ECPAS: variants seen among roughly 807,000 people sequenced by gnomAD.
The protein encoded by ECPAS is Ecm29 proteasome adaptor and scaffold, also known as proteasome adapter and scaffold protein ECM29.
Under a neutral mutation model 255.1 loss-of-function variants are expected in ECPAS, and 70 were observed. That is an observed-to-expected ratio of 0.27 (90% CI 0.23 to 0.33). The LOEUF (loss-of-function observed/expected upper bound fraction) is 0.33, where lower values mean the gene tolerates loss of function less well. Ranked by LOEUF, ECPAS falls within the 10% of genes least tolerant of loss-of-function variation. The probability of loss-of-function intolerance (pLI) is 1.00; values close to 1 mark genes in which losing one functional copy is unlikely to be tolerated. For synonymous variants in ECPAS, 784 were observed against 775.0 expected, an observed-to-expected ratio of 1.01 and a Z score of -0.19; for missense variants, 1,817 against 2,206.4, an observed-to-expected ratio of 0.82 and a Z score of 3.54.
At chr9:111,362,318 T>C in intron 49 of ECPAS, 149 bp from the exon 50 acceptor site, 1 of 633,970 alleles carries the variant, frequency 1.6e-6, no homozygotes, top group Non-Finnish European at 2.7e-6. Flanking sequence ...TGATAACAGA[T>C]CAGTATATAA....
chr9:111,411,417 G>A (rs536426148), intron 21 of ECPAS, among the ~76,000 whole-genome samples: 1 of 152,276 alleles, frequency 6.6e-6, no homozygotes, highest in African/African-American at 2.4e-5. Context: ...CGGGTGAGAT[G>A]ACTTTCCTAC....
chr9:111,371,017 A>C (rs2098126640), intron 43 of ECPAS, among the ~76,000 whole-genome samples: 1 of 152,178 alleles, frequency 6.6e-6, no homozygotes, highest in Admixed American at 6.5e-5. Flanking sequence ...GTCTCACAGA[A>C]AACAGTGTCA....
intron 29 of ECPAS, 115 bp from the exon 30 acceptor site, chr9:111,390,216 A>C (rs1375772964): frequency 3.4e-6 from 2 of 582,382 alleles, no homozygotes; most frequent in Non-Finnish European, 6.1e-6. Flanking sequence ...CTCAATTTCT[A>C]ATACTGAGTT....
intron 48 of ECPAS, among the ~76,000 whole-genome samples, chr9:111,363,913 A>G (rs2098117132): frequency 6.6e-6 from 1 of 152,194 alleles, no homozygotes; most frequent in East Asian, 1.9e-4. Context: ...ACAAATGGCA[A>G]TATTTAAATG....
intron 24 of ECPAS, among the ~76,000 whole-genome samples, chr9:111,402,409 G>A (rs763866511): frequency 6.6e-6 from 1 of 152,132 alleles, no homozygotes; most frequent in Admixed American, 6.5e-5. Flanking sequence ...TAAATACACA[G>A]ACAAATTCAA....
chr9:111,482,241 C>T (rs1451724088), intron 1 of ECPAS, among the ~76,000 whole-genome samples: 1 of 152,180 alleles, frequency 6.6e-6, no homozygotes, highest in Non-Finnish European at 1.5e-5. Context: ...ACCTTGTCTC[C>T]TCCGACTCTC....
intron 42 of ECPAS, 45 bp from the exon 43 acceptor site, chr9:111,371,874 T>A: frequency 6.6e-7 from 1 of 1,505,220 alleles, no homozygotes. Context: ...CAAGAAAAAT[T>A]AACTGATTTT....
At chr9:111,469,966 A>G (rs1028486604) in intron 2 of ECPAS, among the ~76,000 whole-genome samples, 1 of 152,214 alleles carries the variant, frequency 6.6e-6, no homozygotes, top group African/African-American at 2.4e-5. Flanking sequence ...AGCAGAAAAC[A>G]TAAATATAAG....
chr9:111,371,092 A>G (rs2098126736), intron 43 of ECPAS, among the ~76,000 whole-genome samples: 1 of 152,182 alleles, frequency 6.6e-6, no homozygotes, highest in East Asian at 1.9e-4. Context: ...ATGGGCCACT[A>G]TTGACCTTTA....
rs375238485 is a variant in ECPAS at position 111,376,528 on chromosome 9, C to A, written c.3968G>T (p.Ser1323Ile). The A allele has an allele frequency of 2.5e-6, 4 of 1,598,602 alleles. No individual in the cohort carries two copies. The African/African-American group carries it at 4.0e-5, about 16-fold the overall frequency. ...ATEQEKAAMD[S>I]ARLSAAKSSP... Reference sequence around the variant, plus strand: ...AGATTTGGCAGCACTAAGCCGAGCACTATCCATCGCAGCCTAAAGAAGAGA... The same window carrying A: ...AGATTTGGCAGCACTAAGCCGAGCAATATCCATCGCAGCCTAAAGAAGAGA... The change falls in exon 37 of 50, where the codon AGT becomes ATT. Residue 1323 changes from serine to isoleucine, a missense_variant. Ser to Ile is a moderately radical substitution (Grantham distance 142). Transcript: ENST00000684092.
intron 1 of ECPAS, among the ~76,000 whole-genome samples, chr9:111,479,621 A>G (rs1220459514): frequency 6.6e-6 from 1 of 152,074 alleles, no homozygotes; most frequent in East Asian, 1.9e-4. Flanking sequence ...AAAATTGTTA[A>G]GGTGGTAAAT....
rs1184311037 is a variant in ECPAS, at chr9:111,361,641, T to A, written c.*389A>T. On this transcript the variant is annotated 3_prime_UTR_variant, in exon 50 of 50. Transcript: ENST00000684092. ...TATTTCTTCAGGTGTAAGAGGGAGG[T>A]TAAAATAAGTTATTTATAGGGCCCC... The A allele has an allele frequency of 6.5e-6, 1 of 154,596 alleles. No individual in the cohort carries two copies. Among genetic ancestry groups the A allele is most frequent in the Non-Finnish European group, 1.4e-5 (1 of 69,748 alleles). 9.6% of individuals were successfully genotyped at this position (154,596 alleles called of 1,614,324 possible).
intron 2 of ECPAS, among the ~76,000 whole-genome samples, chr9:111,461,075 T>C (rs956171441): frequency 2.0e-5 from 3 of 152,142 alleles, no homozygotes; most frequent in African/African-American, 7.2e-5. Context: ...GTTGATTCTT[T>C]CTATAATTTA....
intron 24 of ECPAS, among the ~76,000 whole-genome samples, chr9:111,406,097 T>C (rs541207825): frequency 1.4e-4 from 21 of 149,776 alleles, no homozygotes; most frequent in Admixed American, 4.6e-4. Flanking sequence ...CTATTAACAA[T>C]AGCCAAAACA....
intron 42 of ECPAS, 141 bp from the exon 43 acceptor site, chr9:111,371,970 G>T: frequency 1.5e-6 from 1 of 671,916 alleles, no homozygotes; most frequent in Non-Finnish European, 2.5e-6. Flanking sequence ...CAAAGGGAGA[G>T]AAAGTGTGTT....
At position 111,484,264 on chromosome 9, in the gene ECPAS, A is replaced by G; in HGVS notation, c.-231T>C. Reference sequence around the variant, plus strand: ...GGGCCGAGCGGGCCCGGGCTGCCCTAGCGGCCGGGGGAAATCCTCGAGGCG... The same window carrying G: ...GGGCCGAGCGGGCCCGGGCTGCCCTGGCGGCCGGGGGAAATCCTCGAGGCG... On this transcript the variant is annotated 5_prime_UTR_variant, in exon 1 of 50. Coordinates refer to ENST00000684092, the MANE Select transcript of ECPAS (RefSeq NM_001364929.1). The G allele has an allele frequency of 6.6e-7, 1 of 1,504,610 alleles. No individual in the cohort carries two copies. The highest frequency in any genetic ancestry group is 8.8e-7 in the Non-Finnish European group (1 of 1,130,908). 93.2% of individuals were successfully genotyped at this position (1,504,610 alleles called of 1,614,324 possible). A position where few individuals can be genotyped will look rare whatever the true frequency, so the allele number is the denominator to read the frequency against.
At chr9:111,416,198 G>C in intron 18 of ECPAS, 74 bp downstream of exon 18, 1 of 1,048,168 alleles carries the variant, frequency 9.5e-7, no homozygotes, top group South Asian at 1.3e-5. Flanking sequence ...CAAAATGACA[G>C]ACCCCTCTTT....
At chr9:111,423,337 C>A (rs2098217009) in intron 12 of ECPAS, 89 bp from the exon 13 acceptor site, 1 of 836,622 alleles carries the variant, frequency 1.2e-6, no homozygotes, top group South Asian at 1.5e-5. Flanking sequence ...CTTTTCGCTG[C>A]AATTACATGC....
At chr9:111,470,528 T>C (rs1180780055) in intron 2 of ECPAS, among the ~76,000 whole-genome samples, 1 of 152,012 alleles carries the variant, frequency 6.6e-6, no homozygotes, top group Non-Finnish European at 1.5e-5. Context: ...CCCGTGATGG[T>C]CTCAAACTCC....
Sources: gnomAD v4.1 joint callset for allele counts (sites outside exome capture counted in the v4.1 genomes callset) on GRCh38, gnomAD v4.1.1 for gene constraint, MANE v1.5 for transcripts, NCBI Gene and HGNC (gene_info 2026-07-23, HGNC 2026-07-21) for gene names.